EPHA7: variants seen among roughly 807,000 people sequenced by gnomAD.
EPHA7 encodes the protein ephrin type-A receptor 7.
EPHA7 carries 25 observed loss-of-function variants against 112.6 expected under a neutral mutation model. That is an observed-to-expected ratio of 0.22 (90% CI 0.16 to 0.31). The LOEUF is 0.31. Ranked by LOEUF, EPHA7 falls within the 10% of genes least tolerant of loss-of-function variation. The pLI, the probability that EPHA7 is intolerant of heterozygous loss-of-function variation, is 1.00. For synonymous variants in EPHA7, 437 were observed against 406.5 expected (o/e 1.07, Z -0.90); for missense variants, 962 against 1,212.6 (o/e 0.79, Z 3.07).
At chr6:93,259,237 T>A in intron 10 of EPHA7, 117 bp downstream of exon 10, 1 of 1,289,968 alleles carries the variant, frequency 7.8e-7, no homozygotes. Context: ...TTCCAACAGT[T>A]CAGGTAAATG....
At chr6:93,295,612 A>G (rs1293311941) in intron 5 of EPHA7, among the ~76,000 whole-genome samples, 2 of 151,770 alleles carry the variant, frequency 1.3e-5, no homozygotes, top group Admixed American at 1.3e-4. Context: ...TTCTTTATAG[A>G]CAGGGCTTTC....
At chr6:93,253,979 G>A (rs962665027) in intron 14 of EPHA7, among the ~76,000 whole-genome samples, 5 of 151,744 alleles carry the variant, frequency 3.3e-5, no homozygotes, top group African/African-American at 9.7e-5. Context: ...GGTGTGAGAT[G>A]TATACACGCT....
intron 5 of EPHA7, among the ~76,000 whole-genome samples, chr6:93,299,679 C>A (rs565686894): frequency 1.3e-5 from 2 of 152,192 alleles, no homozygotes; most frequent in African/African-American, 2.4e-5. Flanking sequence ...AAGACAAATG[C>A]CCACTGCAGC....
chr6:93,376,386 C>G (rs1283435161), intron 3 of EPHA7, among the ~76,000 whole-genome samples: 1 of 152,094 alleles, frequency 6.6e-6, no homozygotes, highest in Non-Finnish European at 1.5e-5. Flanking sequence ...GGCGACCCAC[C>G]TGTCTTGGCC....
intron 5 of EPHA7, among the ~76,000 whole-genome samples, chr6:93,305,821 T>G (rs1206617007): frequency 6.6e-6 from 1 of 151,910 alleles, no homozygotes; most frequent in African/African-American, 2.4e-5. Context: ...TAAAAAAAAT[T>G]TAAGTTTCTT....
intron 7 of EPHA7, among the ~76,000 whole-genome samples, chr6:93,268,674 AT>A (rs1449378252): frequency 6.6e-6 from 1 of 151,724 alleles, no homozygotes; most frequent in African/African-American, 2.4e-5. Context: ...CAGCAGTGGT[AT>A]TCAGGGTGTT....
intron 5 of EPHA7, among the ~76,000 whole-genome samples, chr6:93,356,119 T>C (rs758724609): frequency 6.6e-6 from 1 of 152,160 alleles, no homozygotes. Flanking sequence ...CTTTACTTCA[T>C]TTTGACCACT....
chr6:93,372,118 G>C (rs1776829148), intron 3 of EPHA7, among the ~76,000 whole-genome samples: 1 of 152,012 alleles, frequency 6.6e-6, no homozygotes, highest in Admixed American at 6.6e-5. Context: ...AAAAGCTAAG[G>C]GGTGAATGAT....
At position 93,411,076 on chromosome 6, in the gene EPHA7, C is replaced by T. The variant is rs570778929; in HGVS notation, c.257G>A (p.Arg86Gln). 61 of 1,613,830 alleles carry T rather than the reference C, an allele frequency of 3.8e-5. 1 individual carries two copies. Among genetic ancestry groups the T allele is most frequent in the South Asian group, 1.1e-4 (10 of 91,076 alleles). Residue 86 changes from arginine to glutamine, a missense_variant, in exon 3 of 17, where the codon CGG (arginine) becomes CAG (glutamine). By Grantham distance (43) the Arg-to-Gln change is conservative. This residue lies in a region of EPHA7 where 160 missense variants were observed against 263.6 expected (regional missense o/e 0.61). Transcript: ENST00000369303. ...VMEPNQNNWL[R>Q]TNWISKGNAQ... ...ATTGCCTTTGGAAATCCAGTTAGTC[C>T]GCAGCCAGTTGTTTTGGTTGGGCTC...
chr6:93,336,697 A>G (rs560416499), intron 5 of EPHA7, among the ~76,000 whole-genome samples: 1 of 151,944 alleles, frequency 6.6e-6, no homozygotes, highest in African/African-American at 2.4e-5. Context: ...CACCCTGCCC[A>G]GCTCCTTTTA....
intron 5 of EPHA7, among the ~76,000 whole-genome samples, chr6:93,280,334 T>C (rs773940974): frequency 3.3e-5 from 5 of 152,192 alleles, no homozygotes; most frequent in Admixed American, 6.5e-5. Context: ...TGGCATCATA[T>C]CTATAATCTG....
chr6:93,257,241 A>C (rs557784010), intron 12 of EPHA7, among the ~76,000 whole-genome samples: 1 of 152,188 alleles, frequency 6.6e-6, no homozygotes, highest in African/African-American at 2.4e-5. Flanking sequence ...TAATAATATT[A>C]ATGGAAATAA....
At chr6:93,365,063 A>G (rs1372133321) in intron 3 of EPHA7, among the ~76,000 whole-genome samples, 1 of 152,098 alleles carries the variant, frequency 6.6e-6, no homozygotes, top group Non-Finnish European at 1.5e-5. Flanking sequence ...CCATCTCTCC[A>G]CTTCTCTCCC....
chr6:93,405,821 A>AG (rs1778687298), intron 3 of EPHA7, among the ~76,000 whole-genome samples: 1 of 86,884 alleles, frequency 1.2e-5, no homozygotes, highest in Non-Finnish European at 2.2e-5. Flanking sequence ...GTGTATATAT[A>AG]TATATATATA....
intron 5 of EPHA7, among the ~76,000 whole-genome samples, chr6:93,313,887 C>A (rs1773660679): frequency 6.6e-6 from 1 of 152,098 alleles, no homozygotes; most frequent in African/African-American, 2.4e-5. Flanking sequence ...CTAGTACTAA[C>A]TGGTAGACAG....
chr6:93,328,571 T>C (rs376328796), intron 5 of EPHA7, among the ~76,000 whole-genome samples: 3 of 151,454 alleles, frequency 2.0e-5, no homozygotes, highest in East Asian at 3.9e-4. Flanking sequence ...ACTTTAATCA[T>C]CTTTCCTCAC....
chr6:93,369,498 C>G (rs1368507824), intron 3 of EPHA7, among the ~76,000 whole-genome samples: 1 of 152,116 alleles, frequency 6.6e-6, no homozygotes. Context: ...AAGAATAACC[C>G]TATATAGTTT....
chr6:93,354,118 G>C (rs1216101230), intron 5 of EPHA7, among the ~76,000 whole-genome samples: 3 of 152,082 alleles, frequency 2.0e-5, no homozygotes, highest in Non-Finnish European at 4.4e-5. Context: ...AGTGATTTCA[G>C]CATGAACTAG....
rs188313035 is a variant in EPHA7, at chr6:93,321,457, A to G, written c.1324+35260T>C. 2.5e-4 allele frequency among the ~76,000 whole-genome samples: 38 copies of G among 152,046 alleles called. 1 individual carries two copies. The highest frequency in any genetic ancestry group is 2.3e-3 in the Admixed American group (35 of 15,218). ...GTTTATCCTTGGAACTCAATCTCCA[A>G]TGTCTGGATATGACTGAGCTCACTA... On this transcript the variant is annotated intron_variant, in intron 5 of 16. Transcript: ENST00000369303.
Sources: gnomAD v4.1 joint callset for allele counts (sites outside exome capture counted in the v4.1 genomes callset) on GRCh38, gnomAD v4.1.1 for gene constraint, gnomAD v4.1.1 regional missense constraint, MANE v1.5 for transcripts, NCBI Gene and HGNC (gene_info 2026-07-23, HGNC 2026-07-21) for gene names.